LRMDA: variants seen among roughly 807,000 people sequenced by gnomAD.
LRMDA encodes leucine rich melanocyte differentiation associated, also known as leucine-rich melanocyte differentiation-associated protein.
In LRMDA, 18 loss-of-function variants were observed where a neutral mutation model predicts 29.8. That is an observed-to-expected ratio of 0.60 (90% CI 0.42 to 0.90). The LOEUF (loss-of-function observed/expected upper bound fraction) is 0.90, where lower values mean the gene tolerates loss of function less well. Among genes scored for constraint, LRMDA ranks in the 40% least tolerant of loss-of-function variants. The pLI is 0.00. For missense variants in LRMDA, 273 were observed against 273.9 expected, an observed-to-expected ratio of 1.00 and a Z score of 0.02; for synonymous variants, 125 against 109.4, an observed-to-expected ratio of 1.14 and a Z score of -0.89.
At chr10:75,940,576 T>C (rs562445705) in intron 2 of LRMDA, among the ~76,000 whole-genome samples, 15 of 152,292 alleles carry the variant, frequency 9.8e-5, no homozygotes, top group African/African-American at 3.4e-4. Context: ...ACTTGGCACT[T>C]TCTGTCTTGT....
At chr10:76,428,016 T>C (rs1402875182) in intron 6 of LRMDA, among the ~76,000 whole-genome samples, 2 of 152,216 alleles carry the variant, frequency 1.3e-5, no homozygotes, top group Admixed American at 6.5e-5. Context: ...CAGTATTTTA[T>C]TGAGGATTTT....
intron 5 of LRMDA, among the ~76,000 whole-genome samples, chr10:76,304,013 G>T (rs929558094): frequency 6.6e-6 from 1 of 152,104 alleles, no homozygotes; most frequent in African/African-American, 2.4e-5. Context: ...CCCTTTCACG[G>T]CTTTCTCTAA....
chr10:76,359,247 T>C (rs1841279999), intron 6 of LRMDA, among the ~76,000 whole-genome samples: 1 of 152,192 alleles, frequency 6.6e-6, no homozygotes, highest in African/African-American at 2.4e-5. Context: ...ATTCATTCCA[T>C]TGGTCATTGA....
In LRMDA at chr10:76,087,765, A is replaced by C. The variant is rs1849160756; in HGVS notation, c.516+28982A>C. On this transcript the variant is annotated intron_variant, in intron 5 of 6. Coordinates refer to ENST00000611255, the MANE Select transcript of LRMDA (RefSeq NM_001305581.2). Reference sequence around the variant, plus strand: ...AAAAGGAAGGAAAAGATAAACCAGCAATCATTATTCCATTGCTCAGTGACA... The same window carrying C: ...AAAAGGAAGGAAAAGATAAACCAGCCATCATTATTCCATTGCTCAGTGACA... 4.6e-5 allele frequency among the ~76,000 whole-genome samples: 7 copies of C among 152,298 alleles called. No homozygotes were observed. In the South Asian group the frequency reaches 1.5e-3, roughly 32 times the overall value.
intron 2 of LRMDA, among the ~76,000 whole-genome samples, chr10:75,682,431 G>GT: frequency 1.1e-5 from 1 of 93,368 alleles, no homozygotes. Context: ...GAGTGTGTGT[G>GT]GGGGTGTGTG....
At chr10:75,529,242 G>A (rs925845990) in intron 2 of LRMDA, among the ~76,000 whole-genome samples, 25 of 152,300 alleles carry the variant, frequency 1.6e-4, no homozygotes, top group African/African-American at 5.3e-4. Context: ...CAAACATACA[G>A]AATTGGGATT....
chr10:75,688,925 G>C (rs1313803374), intron 2 of LRMDA, among the ~76,000 whole-genome samples: 1 of 151,918 alleles, frequency 6.6e-6, no homozygotes, highest in Admixed American at 6.6e-5. Context: ...TTTAAATCAG[G>C]GTATATACAT....
intron 2 of LRMDA, among the ~76,000 whole-genome samples, chr10:75,665,754 A>G (rs1564534655): frequency 1.3e-5 from 2 of 152,208 alleles, no homozygotes; most frequent in Admixed American, 6.5e-5. Flanking sequence ...GCATCCTTCT[A>G]GCTTATCTAT....
At chr10:75,962,533 T>C (rs929136353) in intron 2 of LRMDA, among the ~76,000 whole-genome samples, 2 of 152,184 alleles carry the variant, frequency 1.3e-5, no homozygotes, top group African/African-American at 4.8e-5. Flanking sequence ...AATTCTGAAA[T>C]GTCAACATCT....
At position 75,481,681 on chromosome 10, in the gene LRMDA, G is replaced by A. The variant is rs556524062; in HGVS notation, c.131+43187G>A. Among the ~76,000 whole-genome samples, 15 of 152,210 alleles carry A rather than the reference G, an allele frequency of 9.9e-5. No individual in the cohort carries two copies. The East Asian group carries it at 1.2e-3, about 12-fold the overall frequency. On this transcript the variant is annotated intron_variant, in intron 2 of 6. Transcript: ENST00000611255. ...ATCTGATTATGCGATTTTCTTGCTC[G>A]GCATCTTTTAATGGTTTTATGCTGT...
At chr10:76,018,574 T>G (rs1342293293) in intron 2 of LRMDA, among the ~76,000 whole-genome samples, 1 of 150,844 alleles carries the variant, frequency 6.6e-6, no homozygotes. Context: ...GAAGTTTTTT[T>G]TTTTTTTTTT....
chr10:75,671,653 G>A (rs903253052), intron 2 of LRMDA, among the ~76,000 whole-genome samples: 1 of 152,176 alleles, frequency 6.6e-6, no homozygotes, highest in Non-Finnish European at 1.5e-5. Flanking sequence ...GGGGAGCTCA[G>A]GGAGGGATAG....
At chr10:75,966,663 G>A (rs1279392150) in intron 2 of LRMDA, among the ~76,000 whole-genome samples, 1 of 152,212 alleles carries the variant, frequency 6.6e-6, no homozygotes, top group East Asian at 1.9e-4. Context: ...GGGCAACAGT[G>A]CTTTAGGAGC....
intron 2 of LRMDA, among the ~76,000 whole-genome samples, chr10:75,759,058 A>G (rs1340760332): frequency 6.6e-6 from 1 of 152,116 alleles, no homozygotes. Flanking sequence ...TTGGTAAACC[A>G]TAGGAAAGCA....
At chr10:76,420,374 T>G (rs1842060400) in intron 6 of LRMDA, among the ~76,000 whole-genome samples, 1 of 151,990 alleles carries the variant, frequency 6.6e-6, no homozygotes, top group African/African-American at 2.4e-5. Flanking sequence ...AGGTACTATA[T>G]TGATACTCCC....
intron 2 of LRMDA, among the ~76,000 whole-genome samples, chr10:75,909,266 T>A (rs2132374511): frequency 6.6e-6 from 1 of 152,256 alleles, no homozygotes; most frequent in African/African-American, 2.4e-5. Context: ...AATAGCAGAT[T>A]TAAACTTTTA....
At chr10:76,543,474 A>AT (rs1263772459) in intron 6 of LRMDA, among the ~76,000 whole-genome samples, 3 of 151,814 alleles carry the variant, frequency 2.0e-5, no homozygotes, top group African/African-American at 7.3e-5. Context: ...AGCCATCATC[A>AT]TTTTTTCTGA....
intron 5 of LRMDA, among the ~76,000 whole-genome samples, chr10:76,150,808 C>T (rs1333367925): frequency 6.6e-6 from 1 of 152,158 alleles, no homozygotes; most frequent in African/African-American, 2.4e-5. Context: ...TTGTGAGGAC[C>T]AAGGCAGAGC....
At chr10:76,453,911 G>T (rs894211512) in intron 6 of LRMDA, among the ~76,000 whole-genome samples, 1 of 152,144 alleles carries the variant, frequency 6.6e-6, no homozygotes, top group Non-Finnish European at 1.5e-5. Flanking sequence ...TTCCATGTTT[G>T]TATGAGACAT....
Sources: gnomAD v4.1 joint callset for allele counts (sites outside exome capture counted in the v4.1 genomes callset) on GRCh38, gnomAD v4.1.1 for gene constraint, MANE v1.5 for transcripts, NCBI Gene and HGNC (gene_info 2026-07-23, HGNC 2026-07-21) for gene names.